TBC1D8B: variants seen among roughly 807,000 people sequenced by gnomAD.
TBC1D8B encodes TBC1 domain family member 8B.
In TBC1D8B, 75 loss-of-function variants were observed where a neutral mutation model predicts 82.9. That is an observed-to-expected ratio of 0.90 (90% confidence interval 0.75 to 1.10). The LOEUF is 1.10. TBC1D8B is among the 50% of genes least tolerant of loss of function. TBC1D8B has a pLI of 0.00. For missense variants in TBC1D8B, 794 were observed against 796.9 expected (o/e 1.00, Z 0.04); for synonymous variants, 276 against 276.8 (o/e 1.00, Z 0.03).
chrX:106,873,465 C>A lies in TBC1D8B; in HGVS notation c.2968-105C>A, dbSNP rs967168365. 11 of 831,729 alleles carry A rather than the reference C, an allele frequency of 1.3e-5. No individual in the cohort carries two copies. The South Asian group carries it at 2.4e-4, about 18-fold the overall frequency. The allele number at this position is 831,729 out of a possible 1,213,427, so 68.5% of individuals were successfully genotyped here. ...AGTTCTTATAACTTCTAGGGTGAAG[C>A]TTCTATGGTACAAATCCTATATAGG... On this transcript the variant is annotated intron_variant, in intron 20 of 20. Transcript: ENST00000357242.
rs1184887094 is a variant in TBC1D8B at position 106,808,311 on chromosome X, G to C, written c.130+5328G>C. On this transcript the variant is annotated intron_variant, in intron 1 of 20. Coordinates refer to ENST00000357242, the MANE Select transcript of TBC1D8B (RefSeq NM_017752.3). Reference sequence around the variant, plus strand: ...ACAGCATTTTTTATGTGGGTCAAATGAGTTTTGAAACTTGTGAGCAACTAT... The same window carrying C: ...ACAGCATTTTTTATGTGGGTCAAATCAGTTTTGAAACTTGTGAGCAACTAT... 3.6e-5 allele frequency among the ~76,000 whole-genome samples: 4 copies of C among 111,333 alleles called. No homozygotes were observed. The Admixed American group carries it at 3.8e-4, about 11-fold the overall frequency.
At chrX:106,807,648 A>G in intron 1 of TBC1D8B, among the ~76,000 whole-genome samples, 1 of 111,639 alleles carries the variant, frequency 9.0e-6, no homozygotes, top group East Asian at 2.8e-4. Flanking sequence ...AGATCTTTAA[A>G]GGTAATTTTT....
At chrX:106,845,264 C>A (rs1932413092) in intron 10 of TBC1D8B, among the ~76,000 whole-genome samples, 1 of 109,844 alleles carries the variant, frequency 9.1e-6, no homozygotes, top group East Asian at 2.8e-4. Flanking sequence ...TTTCAAAGAA[C>A]CAACTTTTGC....
At chrX:106,847,685 G>A (rs1317839184) in intron 10 of TBC1D8B, among the ~76,000 whole-genome samples, 1 of 111,070 alleles carries the variant, frequency 9.0e-6, no homozygotes, top group African/African-American at 3.3e-5. Context: ...GCAGATAGAG[G>A]GTTTTCAGCA....
At chrX:106,854,453 G>A (rs1304212279) in intron 14 of TBC1D8B, among the ~76,000 whole-genome samples, 157 bp downstream of exon 14, 2 of 111,356 alleles carry the variant, frequency 1.8e-5, no homozygotes, top group Non-Finnish European at 3.8e-5. Context: ...CTTTTTTAGA[G>A]AAAATACATT....
intron 6 of TBC1D8B, among the ~76,000 whole-genome samples, chrX:106,826,846 C>G (rs905696086): frequency 4.5e-5 from 5 of 111,130 alleles, no homozygotes; most frequent in Non-Finnish European, 9.4e-5. Flanking sequence ...TAGACTATCA[C>G]TTTTGATGTA....
At chrX:106,830,801 G>T (rs1370707553) in intron 7 of TBC1D8B, among the ~76,000 whole-genome samples, 3 of 75,321 alleles carry the variant, frequency 4.0e-5, no homozygotes, top group East Asian at 5.5e-4. Context: ...GTGGTGGGGT[G>T]GGGGGAGGGG....
chrX:106,803,774 A>C (rs1369313109), intron 1 of TBC1D8B, among the ~76,000 whole-genome samples: 2 of 111,670 alleles, frequency 1.8e-5, no homozygotes, highest in East Asian at 2.8e-4. Flanking sequence ...CCAAATGTTT[A>C]AAGTTTCCAG....
chrX:106,825,853 G>A (rs575360950), intron 5 of TBC1D8B, among the ~76,000 whole-genome samples, 177 bp from the exon 6 acceptor site: 2 of 111,888 alleles, frequency 1.8e-5, no homozygotes, highest in East Asian at 5.6e-4. Context: ...AACAAAAGGA[G>A]TTTGCAAGGA....
At chrX:106,827,548 T>C (rs952541477) in intron 7 of TBC1D8B, 3 of 354,448 alleles carry the variant, frequency 8.5e-6, no homozygotes, top group African/African-American at 5.3e-5. Context: ...CCATACATTA[T>C]AAAATTACTA....
chrX:106,854,688 AT>A (rs1313031764), intron 14 of TBC1D8B, among the ~76,000 whole-genome samples: 20 of 106,420 alleles, frequency 1.9e-4, no homozygotes, highest in African/African-American at 4.4e-4. Flanking sequence ...TAATTTTTAA[AT>A]TTTTTTTTTA....
intron 9 of TBC1D8B, among the ~76,000 whole-genome samples, chrX:106,840,439 T>C (rs1029873347): frequency 9.0e-6 from 1 of 111,526 alleles, no homozygotes; most frequent in South Asian, 3.8e-4. Flanking sequence ...GGGGAATCTT[T>C]AGTGTCAACA....
Position 106,854,251 on chromosome X carries a change from G to A in TBC1D8B, c.2307G>A (p.Arg769=). 2 of 1,197,288 alleles carry A rather than the reference G, an allele frequency of 1.7e-6. No individual in the cohort carries two copies. The highest frequency in any genetic ancestry group is 2.2e-6 in the Non-Finnish European group (2 of 889,542). ...TACATAGTATGCGCTGTCGAAATAG[G>A]TTGTATGTGATACAGACCCTAGAGG... ...EDIHSMRCRN[R]LYVIQTLEET... is the part of the protein sequence containing the mutation. Residue 769 remains arginine, a synonymous_variant, in exon 14 of 21, where the codon AGG becomes AGA. Transcript: ENST00000357242.
At position 106,826,784 on chromosome X, in the gene TBC1D8B, T is replaced by A. The variant is rs762799042; in HGVS notation, c.1036-386T>A. On this transcript the variant is annotated intron_variant, in intron 6 of 20. Transcript: ENST00000357242. Reference sequence around the variant, plus strand: ...TATCTTGTTTTTAAATTTTAAAGTTTTAAAATTTTCACTTTCAGTAAGAGC... The same window carrying A: ...TATCTTGTTTTTAAATTTTAAAGTTATAAAATTTTCACTTTCAGTAAGAGC... Among the ~76,000 whole-genome samples the A allele has an allele frequency of 5.4e-5, 6 of 111,175 alleles. No individual in the cohort carries two copies. In the East Asian group the frequency reaches 1.7e-3, roughly 32 times the overall value.
intron 2 of TBC1D8B, among the ~76,000 whole-genome samples, chrX:106,820,082 A>G (rs1931655621): frequency 9.0e-6 from 1 of 111,226 alleles, no homozygotes; most frequent in African/African-American, 3.3e-5. Flanking sequence ...GCCAGTCTCC[A>G]TATATTATAA....
intron 1 of TBC1D8B, chrX:106,814,866 A>T (rs1353680815): frequency 9.0e-6 from 1 of 111,426 alleles, no homozygotes; most frequent in South Asian, 3.7e-4. Context: ...GTCTGTTCAT[A>T]TCCTTTGCCC....
intron 12 of TBC1D8B, among the ~76,000 whole-genome samples, chrX:106,850,547 G>T: frequency 8.9e-6 from 1 of 111,848 alleles, no homozygotes. Flanking sequence ...CACTAATATT[G>T]TTGATTCAGT....
chrX:106,854,912 G>C (rs1044699195), intron 14 of TBC1D8B, among the ~76,000 whole-genome samples: 4 of 112,029 alleles, frequency 3.6e-5, no homozygotes, highest in Non-Finnish European at 5.6e-5. Flanking sequence ...ATAGTAGTCA[G>C]TGCTCCAATG....
At chrX:106,839,592 G>T in intron 8 of TBC1D8B, 135 bp downstream of exon 8, 1 of 544,218 alleles carries the variant, frequency 1.8e-6, no homozygotes, top group Non-Finnish European at 2.7e-6. Flanking sequence ...AGGTACTACT[G>T]TGTAACTTAT....
Sources: gnomAD v4.1 joint callset for allele counts (sites outside exome capture counted in the v4.1 genomes callset) on GRCh38, gnomAD v4.1.1 for gene constraint, MANE v1.5 for transcripts, NCBI Gene and HGNC (gene_info 2026-07-23, HGNC 2026-07-21) for gene names.